RAD51B: variants seen among roughly 807,000 people sequenced by gnomAD.
RAD51B encodes the protein RAD51 paralog B, also known as DNA repair protein RAD51 homolog 2.
Under a neutral mutation model 42.2 loss-of-function variants are expected in RAD51B, and 38 were observed. The ratio of observed to expected loss-of-function variants is 0.90; its 90% CI spans 0.70 to 1.18. The LOEUF (loss-of-function observed/expected upper bound fraction) is 1.18. RAD51B is among the 50% of genes most tolerant of loss of function. The probability of loss-of-function intolerance (pLI) is 0.00; values close to 1 mark genes in which losing one functional copy is unlikely to be tolerated. For synonymous variants in RAD51B, 154 were observed against 145.2 expected (o/e 1.06, Z -0.43); for missense variants, 373 against 400.7 (o/e 0.93, Z 0.59).
intron 3 of RAD51B, among the ~76,000 whole-genome samples, chr14:67,834,184 C>G (rs774680491): frequency 2.6e-4 from 40 of 152,174 alleles, no homozygotes; most frequent in Non-Finnish European, 4.8e-4. Flanking sequence ...GCTTCTCTCT[C>G]TATACCATCT....
intron 7 of RAD51B, among the ~76,000 whole-genome samples, chr14:68,034,852 C>T (rs1189710482): frequency 1.3e-5 from 2 of 152,040 alleles, no homozygotes; most frequent in Non-Finnish European, 2.9e-5. Flanking sequence ...TTCTGGAGGG[C>T]TTATCTGAAG....
At chr14:67,972,205 A>T (rs2074911538) in intron 7 of RAD51B, among the ~76,000 whole-genome samples, 1 of 151,926 alleles carries the variant, frequency 6.6e-6, no homozygotes, top group African/African-American at 2.4e-5. Context: ...CAGGCAGAAG[A>T]CAGATGAGTA....
chr14:68,045,944 C>T (rs2096763732), intron 7 of RAD51B, among the ~76,000 whole-genome samples: 1 of 152,022 alleles, frequency 6.6e-6, no homozygotes, highest in South Asian at 2.1e-4. Flanking sequence ...AAGCATTCCT[C>T]AGTCTTTCTC....
intron 11 of RAD51B, among the ~76,000 whole-genome samples, chr14:68,655,415 G>C (rs573504191): frequency 2.6e-5 from 4 of 152,140 alleles, no homozygotes; most frequent in Non-Finnish European, 5.9e-5. Flanking sequence ...GACGGGGTGT[G>C]GGGGAAGCGA....
Position 68,608,782 on chromosome 14 carries a change from G to A in RAD51B, c.1037-2224G>A, listed in dbSNP as rs144110819. On this transcript the variant is annotated intron_variant, in intron 10 of 10. Coordinates refer to the RAD51B transcript ENST00000487861. ...TCCTGGCTTCCCAACAGGTGCTATC[G>A]CTGAATGAAGAGGAGGGCTGTCCAC... Among the ~76,000 whole-genome samples the A allele has an allele frequency of 2.5e-3, 387 of 152,280 alleles. 24 individuals carry two copies. The East Asian group carries it at 0.055, about 22-fold the overall frequency.
rs116943900 is a variant in RAD51B at position 68,057,183 on chromosome 14, A to T, written c.756+169979A>T. Among the ~76,000 whole-genome samples the T allele has an allele frequency of 6.5e-3, 997 of 152,230 alleles. 7 individuals are homozygous for T. Among genetic ancestry groups the T allele is most frequent in the Middle Eastern group, 0.02 (6 of 294 alleles). On this transcript the variant is annotated intron_variant, in intron 7 of 10. Transcript: ENST00000471583. ...ATGTTCCAAATGATAGTAAAATTGG[A>T]TCTCAGCTTCCTATTTTATGGCAAA...
chr14:68,442,182 C>G (rs1594844900), intron 9 of RAD51B, among the ~76,000 whole-genome samples: 1 of 152,278 alleles, frequency 6.6e-6, no homozygotes, highest in Admixed American at 6.5e-5. Flanking sequence ...TACTTTAACT[C>G]TCTTTACTCT....
At chr14:67,989,379 G>A (rs993586617) in intron 7 of RAD51B, among the ~76,000 whole-genome samples, 22 of 152,176 alleles carry the variant, frequency 1.4e-4, no homozygotes, top group Non-Finnish European at 2.6e-4. Flanking sequence ...GCTCATGCCT[G>A]TAATCCCAGC....
chr14:68,310,504 A>G (rs2081949590), intron 8 of RAD51B, among the ~76,000 whole-genome samples: 1 of 152,164 alleles, frequency 6.6e-6, no homozygotes, highest in East Asian at 1.9e-4. Flanking sequence ...CATCATAGGT[A>G]TGAGTGCTTG....
At chr14:68,657,984 T>G (rs577113472) in intron 11 of RAD51B, among the ~76,000 whole-genome samples, 1 of 137,240 alleles carries the variant, frequency 7.3e-6, no homozygotes, top group Non-Finnish European at 1.5e-5. Context: ...AACTTACCTG[T>G]CCCACCTGGT....
chr14:68,123,234 C>T (rs915931824), intron 7 of RAD51B, among the ~76,000 whole-genome samples: 5 of 139,560 alleles, frequency 3.6e-5, no homozygotes, highest in African/African-American at 1.4e-4. Flanking sequence ...CTCCTCCAGA[C>T]TGGAGTGCAG....
chr14:68,608,110 T>C (rs1443830132), intron 10 of RAD51B, among the ~76,000 whole-genome samples: 1 of 152,170 alleles, frequency 6.6e-6, no homozygotes, highest in African/African-American at 2.4e-5. Context: ...GCGCGTGCCA[T>C]GAGAGACCAC....
chr14:68,369,156 C>T (rs1036962721), intron 8 of RAD51B, among the ~76,000 whole-genome samples: 1 of 152,134 alleles, frequency 6.6e-6, no homozygotes, highest in Non-Finnish European at 1.5e-5. Flanking sequence ...TTGACATTAC[C>T]CACTGGGCTC....
intron 11 of RAD51B, chr14:68,682,925 T>A: frequency 1.0e-6 from 1 of 978,706 alleles, no homozygotes; most frequent in Non-Finnish European, 1.2e-6. Flanking sequence ...TTTTTTTTTT[T>A]TTTTTGTATA....
At chr14:68,562,486 C>T (rs2158357) in intron 10 of RAD51B, 257,506 of 984,658 alleles carry the variant, frequency 0.26, 36,017 homozygotes, top group Non-Finnish European at 0.29. Context: ...AGCCTCTGAG[C>T]GCTCTCTGCC....
At position 67,928,407 on chromosome 14, in the gene RAD51B, T is replaced by C. The variant is rs576502859; in HGVS notation, c.756+41203T>C. 1.1e-4 allele frequency among the ~76,000 whole-genome samples: 17 copies of C among 152,180 alleles called. No homozygotes were observed. In the South Asian group the frequency reaches 2.5e-3, roughly 22 times the overall value. ...GAGGGGGGCTCTGAGAGAGAAACCA[T>C]GTGTGCGGTGGCAAAGTAGTTAGTT... On this transcript the variant is annotated intron_variant, in intron 7 of 10. Transcript: ENST00000471583.
At chr14:68,622,684 T>G (rs542442274) in intron 10 of RAD51B, among the ~76,000 whole-genome samples, 2 of 135,638 alleles carry the variant, frequency 1.5e-5, no homozygotes, top group South Asian at 4.6e-4. Context: ...CTTGGTGACT[T>G]ACAGGATTTG....
chr14:68,640,661 A>T (rs572924126), intron 10 of RAD51B, among the ~76,000 whole-genome samples: 1 of 152,240 alleles, frequency 6.6e-6, no homozygotes, highest in Non-Finnish European at 1.5e-5. Flanking sequence ...ACTCAGCCCT[A>T]GTTTGTTGGA....
chr14:67,929,144 T>C (rs1447934693), intron 7 of RAD51B, among the ~76,000 whole-genome samples: 1 of 152,120 alleles, frequency 6.6e-6, no homozygotes, highest in African/African-American at 2.4e-5. Flanking sequence ...TTGGTTTTCT[T>C]TGTTCTTGCT....
Sources: gnomAD v4.1 joint callset for allele counts (sites outside exome capture counted in the v4.1 genomes callset) on GRCh38, gnomAD v4.1.1 for gene constraint, MANE v1.5 for transcripts, NCBI Gene and HGNC (gene_info 2026-07-23, HGNC 2026-07-21) for gene names.